Variants in MEP1B observed in about 807,000 individuals in gnomAD.
The protein encoded by MEP1B is meprin A subunit beta, also known as N-benzoyl-L-tyrosyl-P-amino-benzoic acid hydrolase subunit beta.
Under a neutral mutation model 84.6 loss-of-function variants are expected in MEP1B, and 80 were observed. The observed-to-expected ratio is 0.95, with a 90% confidence interval of 0.79 to 1.14. MEP1B has a LOEUF of 1.14. MEP1B is among the 50% of genes most tolerant of loss of function. The pLI is 0.00. For missense variants in MEP1B, 766 were observed against 855.1 expected (o/e 0.90, Z 1.30); for synonymous variants, 273 against 288.1 (o/e 0.95, Z 0.53).
At chr18:32,210,077 C>G (rs1953565117) in intron 9 of MEP1B, among the ~76,000 whole-genome samples, 2 of 152,204 alleles carry the variant, frequency 1.3e-5, no homozygotes, top group African/African-American at 2.4e-5. Context: ...CCACTTGGAG[C>G]TGGACCAGGG....
chr18:32,211,957 TCTTAATCTCACTAAGCATATA>T (rs1180772412), intron 10 of MEP1B, among the ~76,000 whole-genome samples: 1 of 151,486 alleles, frequency 6.6e-6, no homozygotes, highest in African/African-American at 2.4e-5. Flanking sequence ...GCAGTAAGGT[TCTTAATCTCACTAAGCATATA>T]CACACATTAT....
intron 9 of MEP1B, among the ~76,000 whole-genome samples, chr18:32,209,927 C>T (rs1016430394): frequency 5.3e-5 from 8 of 152,178 alleles, no homozygotes; most frequent in Non-Finnish European, 1.0e-4. Flanking sequence ...CGTTGAATTA[C>T]CCTTGGGAGA....
chr18:32,196,236 G>A lies in MEP1B; in HGVS notation c.250+751G>A, dbSNP rs1303315924. On this transcript the variant is annotated intron_variant, in intron 5 of 14. Transcript: ENST00000269202. The surrounding 1 kb of genome is among the most constrained non-coding windows in gnomAD (Gnocchi z 4.4). Reference sequence around the variant, plus strand: ...TGAGAGGAATGAAGAGGATGCCATTGATGCCTTTGAACTGCTCCAAGACGC... The same window carrying A: ...TGAGAGGAATGAAGAGGATGCCATTAATGCCTTTGAACTGCTCCAAGACGC... The A allele has an allele frequency of 2.9e-6, 2 of 698,552 alleles. No homozygotes were observed. Among genetic ancestry groups the A allele is most frequent in the Non-Finnish European group, 2.7e-6 (1 of 371,690 alleles). The allele number at this position is 698,552 out of a possible 1,614,324, so 43.3% of individuals were successfully genotyped here.
At position 32,217,757 on chromosome 18, in the gene MEP1B, GCAGGTGCCAGT is replaced by G; in HGVS notation, c.1888_1898del (p.Cys630GlyfsTer11). 6.2e-7 allele frequency: 1 copy of G among 1,612,132 alleles called. No individual in the cohort carries two copies. On this transcript the variant is annotated splice_acceptor_variant and splice_polypyrimidine_tract_variant and coding_sequence_variant and intron_variant, in exon 14 of 15. Coordinates refer to ENST00000269202, the MANE Select transcript of MEP1B (RefSeq NM_005925.3). LOFTEE classifies it high-confidence loss of function. ...TAACTCTGAGTCATGCTCTCAACAT[GCAGGTGCCAGT>G]CAGGGGAAGACTGGTGGTACATGGG... is the stretch of plus-strand genomic sequence containing the variant.
rs768998265 is a variant in MEP1B at position 32,207,451 on chromosome 18, GA to G, written c.749del (p.Asn250IlefsTer10). 1 of 1,609,822 alleles carries G rather than the reference GA, an allele frequency of 6.2e-7. No individual in the cohort carries two copies. Among genetic ancestry groups the G allele is most frequent in the Non-Finnish European group, 8.5e-7 (1 of 1,177,204 alleles). On this transcript the variant is annotated frameshift_variant, in exon 8 of 15. Transcript: ENST00000269202. LOFTEE classifies it high-confidence loss of function. The stretch of plus-strand genomic sequence containing the variant: ...TCAGTGACTCTGATCTCCTAAAGTT[GA>G]ATCAACTGTATAACTGCTGTATGTG... ...DFSDSDLLKL[N>X]QLYNCSSSLS...
rs377157537 is a variant in MEP1B at position 32,207,283 on chromosome 18, C to T, written c.579C>T (p.Asp193=). Residue 193 remains aspartate (D), a synonymous_variant, in exon 8 of 15, where the codon GAC becomes GAT. Transcript: ENST00000269202. ...GREHNFNTYS[D]DISDSLNVPY... Reference sequence around the variant, plus strand: ...AGCACAATTTTAACACCTATAGTGACGATATATCAGATTCCCTGAATGTTC... The same window carrying T: ...AGCACAATTTTAACACCTATAGTGATGATATATCAGATTCCCTGAATGTTC... 59 of 1,612,098 alleles carry T rather than the reference C, an allele frequency of 3.7e-5. No homozygotes were observed. The highest frequency in any genetic ancestry group is 6.7e-5 in the African/African-American group (5 of 74,880).
In MEP1B at chr18:32,196,807, C is replaced by A. The variant is rs1260414427; in HGVS notation, c.250+1322C>A. 1.6e-6 allele frequency: 1 copy of A among 641,034 alleles called. No homozygotes were observed. Among genetic ancestry groups the A allele is most frequent in the Non-Finnish European group, 2.9e-6 (1 of 350,208 alleles). 39.7% of individuals were successfully genotyped at this position (641,034 alleles called of 1,614,324 possible). On this transcript the variant is annotated intron_variant, in intron 5 of 14. Coordinates refer to ENST00000269202, the MANE Select transcript of MEP1B (RefSeq NM_005925.3). This position sits in a 1 kb window ranked among gnomAD's most constrained non-coding sequence, Gnocchi z 4.4. ...GGGTGCTCGATGCCCATCACCCGCA[C>A]GCTCATCAGCACTGCCTTCTGCTGG...
At chr18:32,203,922 T>A (rs9948943) in intron 6 of MEP1B, among the ~76,000 whole-genome samples, 66,970 of 151,970 alleles carry the variant, frequency 0.44, 16,646 homozygotes, top group African/African-American at 0.68. Context: ...CCAAGCCATG[T>A]GTGGTTCGTC....
At chr18:32,212,997 G>T (rs1481487898) in intron 10 of MEP1B, 119 bp from the exon 11 acceptor site, 4 of 897,148 alleles carry the variant, frequency 4.5e-6, no homozygotes, top group East Asian at 2.6e-5. Context: ...CCATACTTCT[G>T]ACCTGTAGAA....
chr18:32,208,273 T>A lies in MEP1B; in HGVS notation c.919+2T>A. 6.2e-7 allele frequency: 1 copy of A among 1,612,966 alleles called. No individual in the cohort carries two copies. Among genetic ancestry groups the A allele is most frequent in the South Asian group, 1.1e-5 (1 of 90,902 alleles). On this transcript the variant is annotated splice_donor_variant, in intron 9 of 14. Transcript: ENST00000269202. LOFTEE classifies it high-confidence loss of function. ...ACTCCAACATGGGCCAGTGCCAAGGTAACAGGAGTGAGATATTCCTAGACT... is the reference window on the plus strand; with the variant it reads ...ACTCCAACATGGGCCAGTGCCAAGGAAACAGGAGTGAGATATTCCTAGACT...
chr18:32,212,279 T>A (rs2041036387), intron 10 of MEP1B, among the ~76,000 whole-genome samples: 1 of 152,096 alleles, frequency 6.6e-6, no homozygotes, highest in South Asian at 2.1e-4. Context: ...TTCTGTCATT[T>A]GGGTATGTCT....
chr18:32,208,048 A>G (rs1383067247), intron 8 of MEP1B, 71 bp from the exon 9 acceptor site: 2 of 1,522,168 alleles, frequency 1.3e-6, no homozygotes, highest in Non-Finnish European at 1.8e-6. Context: ...TAATACTGTG[A>G]TAAGTTCAGT....
chr18:32,220,325 C>T lies in MEP1B; in HGVS notation c.*80C>T, dbSNP rs2041138251. 1.3e-5 allele frequency: 17 copies of T among 1,262,160 alleles called. No homozygotes were observed. In the South Asian group the frequency reaches 2.1e-4, roughly 15 times the overall value. 78.2% of individuals were successfully genotyped at this position (1,262,160 alleles called of 1,614,324 possible). ...GGATTTCGCCTAAGTGATATTACAG[C>T]CACCTCATTCTTCTAAAAGTGGATA... On this transcript the variant is annotated 3_prime_UTR_variant, in exon 15 of 15. Transcript: ENST00000269202.
At chr18:32,195,160 A>G (rs2040839532) in intron 4 of MEP1B, among the ~76,000 whole-genome samples, 1 of 152,178 alleles carries the variant, frequency 6.6e-6, no homozygotes, top group Admixed American at 6.6e-5. Context: ...CAGTTTTCCA[A>G]CAGTTATTTT....
chr18:32,208,903 T>A (rs1038411971), intron 9 of MEP1B, among the ~76,000 whole-genome samples: 2 of 152,134 alleles, frequency 1.3e-5, no homozygotes, highest in East Asian at 3.8e-4. Flanking sequence ...AGGCCTCTAA[T>A]GGCAAAAAGG....
chr18:32,199,401 G>T (rs1035829476), intron 5 of MEP1B, among the ~76,000 whole-genome samples: 1 of 152,040 alleles, frequency 6.6e-6, no homozygotes, highest in African/African-American at 2.4e-5. Flanking sequence ...ATAGAAGGAA[G>T]ATCTAGTGGA....
chr18:32,191,945 T>C (rs2040805997), intron 2 of MEP1B, 105 bp downstream of exon 2: 1 of 695,290 alleles, frequency 1.4e-6, no homozygotes, highest in Non-Finnish European at 2.4e-6. Context: ...ATAATTGCAT[T>C]GAACTTTGAT....
chr18:32,220,388 T>C lies in MEP1B; in HGVS notation c.*143T>C. On this transcript the variant is annotated 3_prime_UTR_variant, in exon 15 of 15. Transcript: ENST00000269202. The stretch of plus-strand genomic sequence containing the variant: ...TAGCTGGAAATATTATAAATCACTA[T>C]TTTGGTCAAAGTCAAATTGGTGAAA... The C allele has an allele frequency of 1.2e-6, 1 of 811,406 alleles. No homozygotes were observed. Among genetic ancestry groups the C allele is most frequent in the East Asian group, 2.7e-5 (1 of 37,102 alleles). The allele number at this position is 811,406 out of a possible 1,614,324, so 50.3% of individuals were successfully genotyped here.
intron 1 of MEP1B, 94 bp downstream of exon 1, chr18:32,190,227 A>G: frequency 1.1e-6 from 1 of 891,600 alleles, no homozygotes; most frequent in South Asian, 1.6e-5. Flanking sequence ...TTTGTTTTTT[A>G]TACATCTTGA....
Sources: gnomAD v4.1 joint callset for allele counts (sites outside exome capture counted in the v4.1 genomes callset) on GRCh38, gnomAD v4.1.1 for gene constraint, Gnocchi (gnomAD v3.1) non-coding constraint, MANE v1.5 for transcripts, NCBI Gene and HGNC (gene_info 2026-07-23, HGNC 2026-07-21) for gene names.